MPPED2: variants seen among roughly 807,000 people sequenced by gnomAD.
MPPED2 encodes metallophosphoesterase domain containing 2.
Under a neutral mutation model 33.0 loss-of-function variants are expected in MPPED2, and 5 were observed. The ratio of observed to expected loss-of-function variants is 0.15; its 90% CI spans 0.08 to 0.32. The LOEUF is 0.32. Ranked by LOEUF, MPPED2 falls within the 10% of genes least tolerant of loss-of-function variation. The probability of loss-of-function intolerance (pLI) is 1.00; values close to 1 mark genes in which losing one functional copy is unlikely to be tolerated. For synonymous variants in MPPED2, 136 were observed against 141.9 expected (o/e 0.96, Z 0.29); for missense variants, 275 against 372.1 (o/e 0.74, Z 2.15).
intron 4 of MPPED2, among the ~76,000 whole-genome samples, chr11:30,448,767 C>T (rs757360553): frequency 1.1e-4 from 17 of 151,926 alleles, no homozygotes; most frequent in Non-Finnish European, 2.1e-4. Flanking sequence ...CTCCGCCTCC[C>T]GGGTTCAAGT....
chr11:30,435,332 CT>C (rs1949275853), intron 4 of MPPED2, among the ~76,000 whole-genome samples: 1 of 152,144 alleles, frequency 6.6e-6, no homozygotes, highest in South Asian at 2.1e-4. Flanking sequence ...TTCTTAAAGC[CT>C]TTTAACAAGC....
chr11:30,550,820 C>T (rs759765862), intron 2 of MPPED2, among the ~76,000 whole-genome samples: 1 of 152,186 alleles, frequency 6.6e-6, no homozygotes, highest in African/African-American at 2.4e-5. Flanking sequence ...TGCTGGGTTT[C>T]TGAGTTACAG....
At chr11:30,530,470 A>C (rs1365040987) in intron 3 of MPPED2, among the ~76,000 whole-genome samples, 2 of 152,230 alleles carry the variant, frequency 1.3e-5, no homozygotes, top group Non-Finnish European at 2.9e-5. Context: ...TGGCATAGCC[A>C]TGGGAAGGGA....
intron 6 of MPPED2, among the ~76,000 whole-genome samples, chr11:30,404,019 G>C (rs947795579): frequency 1.3e-5 from 2 of 152,178 alleles, no homozygotes; most frequent in Non-Finnish European, 2.9e-5. Context: ...AAAGGCCAAA[G>C]CCCTGGTTTT....
At chr11:30,540,558 A>G (rs1955041357) in intron 2 of MPPED2, among the ~76,000 whole-genome samples, 1 of 152,126 alleles carries the variant, frequency 6.6e-6, no homozygotes, top group Non-Finnish European at 1.5e-5. Context: ...TATTTTTACT[A>G]CTATTAGTAG....
intron 4 of MPPED2, among the ~76,000 whole-genome samples, chr11:30,484,950 C>A (rs1951652387): frequency 6.6e-6 from 1 of 152,104 alleles, no homozygotes. Context: ...TTCTCTTCTA[C>A]CATGGTAATA....
intron 1 of MPPED2, among the ~76,000 whole-genome samples, chr11:30,580,859 T>C (rs761511258): frequency 1.3e-5 from 2 of 152,374 alleles, no homozygotes; most frequent in East Asian, 1.9e-4. Flanking sequence ...GCCCTGCTAA[T>C]TGGAATGTTT....
chr11:30,391,322 T>C (rs1321300668), intron 6 of MPPED2, among the ~76,000 whole-genome samples: 1 of 152,202 alleles, frequency 6.6e-6, no homozygotes, highest in Non-Finnish European at 1.5e-5. Flanking sequence ...TGTCTTGCAC[T>C]GCTCATACAC....
intron 4 of MPPED2, among the ~76,000 whole-genome samples, chr11:30,425,925 GTCTTC>G (rs1429511555): frequency 6.6e-6 from 1 of 152,114 alleles, no homozygotes; most frequent in Admixed American, 6.5e-5. Context: ...AGGGATATTT[GTCTTC>G]TCTTTTCCTT....
intron 3 of MPPED2, among the ~76,000 whole-genome samples, chr11:30,527,608 A>G (rs1357478933): frequency 6.6e-6 from 1 of 152,132 alleles, no homozygotes; most frequent in Non-Finnish European, 1.5e-5. Context: ...TCAGATGTTA[A>G]TCAGAGTCTA....
At chr11:30,561,577 A>G (rs555020269) in intron 2 of MPPED2, among the ~76,000 whole-genome samples, 1 of 152,304 alleles carries the variant, frequency 6.6e-6, no homozygotes, top group Non-Finnish European at 1.5e-5. Context: ...CCAACATCCT[A>G]GGAGTCTGGC....
chr11:30,472,362 AAT>A (rs1168695747), intron 4 of MPPED2, among the ~76,000 whole-genome samples: 1 of 120,156 alleles, frequency 8.3e-6, no homozygotes, highest in Non-Finnish European at 1.7e-5. Flanking sequence ...GCCTGTCTCG[AAT>A]AATAATAATA....
intron 2 of MPPED2, among the ~76,000 whole-genome samples, chr11:30,545,885 CAG>C (rs1362451036): frequency 6.6e-6 from 1 of 152,088 alleles, no homozygotes; most frequent in Non-Finnish European, 1.5e-5. Context: ...TTTTTTTAGA[CAG>C]AGTCTCGCTC....
intron 4 of MPPED2, among the ~76,000 whole-genome samples, chr11:30,456,203 G>A (rs1950271862): frequency 6.6e-6 from 1 of 152,218 alleles, no homozygotes; most frequent in Non-Finnish European, 1.5e-5. Flanking sequence ...AAATTCAACT[G>A]GAGAAGAGAC....
intron 5 of MPPED2, among the ~76,000 whole-genome samples, chr11:30,414,697 C>A (rs1948264239): frequency 6.6e-6 from 1 of 152,114 alleles, no homozygotes; most frequent in African/African-American, 2.4e-5. Flanking sequence ...GTTACTTTCG[C>A]TATTTTATTA....
chr11:30,551,023 A>G (rs1224220909), intron 2 of MPPED2, among the ~76,000 whole-genome samples: 1 of 152,208 alleles, frequency 6.6e-6, no homozygotes, highest in Non-Finnish European at 1.5e-5. Flanking sequence ...AAGTTGACTC[A>G]TACATAATTT....
chr11:30,536,350 A>G (rs17402305), intron 2 of MPPED2, among the ~76,000 whole-genome samples, 175 bp from the exon 3 acceptor site: 3,309 of 152,310 alleles, frequency 0.022, 60 homozygotes, highest in Middle Eastern at 0.031. Context: ...AGCATCACCC[A>G]TTTACAAACC....
At chr11:30,491,847 T>C (rs1951996802) in intron 4 of MPPED2, among the ~76,000 whole-genome samples, 1 of 152,234 alleles carries the variant, frequency 6.6e-6, no homozygotes, top group Non-Finnish European at 1.5e-5. Context: ...AAACAGATGA[T>C]GAAACTGAAA....
intron 3 of MPPED2, among the ~76,000 whole-genome samples, chr11:30,512,397 T>C (rs1953263753): frequency 1.3e-5 from 2 of 152,202 alleles, no homozygotes; most frequent in South Asian, 4.1e-4. Context: ...AGATCATTTC[T>C]CGTTGCATGC....
Sources: gnomAD v4.1 joint callset for allele counts (sites outside exome capture counted in the v4.1 genomes callset) on GRCh38, gnomAD v4.1.1 for gene constraint, MANE v1.5 for transcripts, NCBI Gene and HGNC (gene_info 2026-07-23, HGNC 2026-07-21) for gene names.